Variants in FBXW11 observed in about 807,000 individuals in gnomAD.
FBXW11 encodes F-box/WD repeat-containing protein 11.
A neutral mutation model predicts 77.6 loss-of-function variants in FBXW11; 19 were observed. The observed-to-expected ratio is 0.24, with a 90% CI of 0.17 to 0.36. The LOEUF is 0.36. Ranked by LOEUF, FBXW11 falls within the 10% of genes least tolerant of loss-of-function variation. The probability of loss-of-function intolerance (pLI) is 1.00; values close to 1 mark genes in which losing one functional copy is unlikely to be tolerated. For missense variants in FBXW11, 334 were observed against 704.2 expected, an observed-to-expected ratio of 0.47 and a Z score of 5.95; for synonymous variants, 235 against 249.4, an observed-to-expected ratio of 0.94 and a Z score of 0.54.
chr5:172,002,415 TGTGTGTG>T (rs1331148813), intron 1 of FBXW11, among the ~76,000 whole-genome samples: 2 of 81,306 alleles, frequency 2.5e-5, no homozygotes, highest in African/African-American at 2.1e-4. Flanking sequence ...TTTATATAAA[TGTGTGTG>T]TGTGTGTGTG....
chr5:171,924,157 C>T (rs1358230616), intron 2 of FBXW11, among the ~76,000 whole-genome samples: 6 of 151,820 alleles, frequency 4.0e-5, no homozygotes, highest in African/African-American at 9.7e-5. Context: ...CTCCTGACCT[C>T]GTGATCCACC....
At chr5:171,967,375 G>C (rs1040136304) in intron 1 of FBXW11, among the ~76,000 whole-genome samples, 1 of 152,178 alleles carries the variant, frequency 6.6e-6, no homozygotes, top group Non-Finnish European at 1.5e-5. Context: ...ACAAACTATT[G>C]TGTTTCTGCT....
At position 171,872,811 on chromosome 5, in the gene FBXW11, A is replaced by G. The variant is rs1168384113; in HGVS notation, c.1340+61T>C. The stretch of plus-strand genomic sequence containing the variant: ...AGTTGTTTTGAGCATTAGAACTAGG[A>G]GATGAGTCAACAATGTGGCAAAAAT... On this transcript the variant is annotated intron_variant, in intron 10 of 13. Transcript: ENST00000517395. 3 of 1,160,072 alleles carry G rather than the reference A, an allele frequency of 2.6e-6. No homozygotes were observed. In the East Asian group the frequency reaches 7.0e-5, roughly 27 times the overall value. The allele number at this position is 1,160,072 out of a possible 1,614,324, so 71.9% of individuals were successfully genotyped here.
In FBXW11 at chr5:171,985,288, AACCACATCCACCACC is replaced by A. The variant is rs547628828; in HGVS notation, c.45+21155_45+21169del. On this transcript the variant is annotated intron_variant, in intron 1 of 13. Coordinates refer to ENST00000517395, the MANE Select transcript of FBXW11 (RefSeq NM_001378974.1). ...AATGTTCACAGTCACCTCCCTTCTC[AACCACATCCACCACC>A]CTCATACCTCCTCCAATCTAGGCAG... Among the ~76,000 whole-genome samples, 9 of 152,188 alleles carry A rather than the reference AACCACATCCACCACC, an allele frequency of 5.9e-5. No homozygotes were observed. The East Asian group carries it at 1.7e-3, about 29-fold the overall frequency.
At chr5:172,005,215 G>T (rs1031763314) in intron 1 of FBXW11, among the ~76,000 whole-genome samples, 6 of 152,140 alleles carry the variant, frequency 3.9e-5, no homozygotes, top group African/African-American at 1.4e-4. Context: ...AAGAAAATCT[G>T]GCTAGGAAAA....
chr5:171,878,479 C>G (rs556605772), intron 7 of FBXW11, among the ~76,000 whole-genome samples: 1 of 151,336 alleles, frequency 6.6e-6, no homozygotes, highest in Non-Finnish European at 1.5e-5. Context: ...TTTGGGAGGC[C>G]GAGACAGAAG....
At chr5:171,974,702 C>G (rs868288175) in intron 1 of FBXW11, among the ~76,000 whole-genome samples, 1 of 152,110 alleles carries the variant, frequency 6.6e-6, no homozygotes, top group African/African-American at 2.4e-5. Flanking sequence ...TGCACTTCAG[C>G]CTGGGCAACA....
intron 2 of FBXW11, among the ~76,000 whole-genome samples, chr5:171,930,687 C>A (rs1762121870): frequency 6.7e-6 from 1 of 149,794 alleles, no homozygotes; most frequent in Non-Finnish European, 1.5e-5. Flanking sequence ...CCTGCCAAAT[C>A]CCCCTCTGCG....
chr5:171,898,435 C>T (rs548963409), intron 6 of FBXW11, among the ~76,000 whole-genome samples: 1 of 152,304 alleles, frequency 6.6e-6, no homozygotes, highest in Non-Finnish European at 1.5e-5. Context: ...AATTAGAACA[C>T]ATGAACGATA....
At chr5:171,972,248 C>T (rs1310194902) in intron 1 of FBXW11, among the ~76,000 whole-genome samples, 1 of 151,524 alleles carries the variant, frequency 6.6e-6, no homozygotes, top group African/African-American at 2.4e-5. Flanking sequence ...GAGGCTGAGG[C>T]AGGAGAATTG....
intron 6 of FBXW11, among the ~76,000 whole-genome samples, chr5:171,892,655 A>C (rs1251329531): frequency 1.3e-5 from 2 of 152,242 alleles, no homozygotes; most frequent in Non-Finnish European, 2.9e-5. Context: ...TTAGTGAAGA[A>C]GTAGGTCATA....
intron 3 of FBXW11, among the ~76,000 whole-genome samples, chr5:171,914,024 C>T (rs1052930591): frequency 2.6e-5 from 4 of 152,206 alleles, no homozygotes; most frequent in African/African-American, 9.7e-5. Flanking sequence ...CATGTATACA[C>T]TGGTGTGTGG....
intron 4 of FBXW11, chr5:171,908,747 G>T (rs1760692096): frequency 6.6e-6 from 1 of 152,156 alleles, no homozygotes; most frequent in Non-Finnish European, 1.5e-5. Context: ...AAGCTGGTTT[G>T]TCAATTTGCA....
intron 3 of FBXW11, among the ~76,000 whole-genome samples, chr5:171,913,782 C>G (rs1344162161): frequency 6.6e-6 from 1 of 150,386 alleles, no homozygotes; most frequent in African/African-American, 2.4e-5. Flanking sequence ...AATCGTGAAA[C>G]TTTGCTTGCT....
intron 2 of FBXW11, among the ~76,000 whole-genome samples, chr5:171,950,553 C>T (rs897422172): frequency 3.3e-5 from 5 of 152,000 alleles, no homozygotes; most frequent in Admixed American, 2.0e-4. Context: ...TAAGTGACCC[C>T]GTATTGTGAT....
intron 5 of FBXW11, among the ~76,000 whole-genome samples, chr5:171,899,447 T>C (rs1345555482): frequency 6.6e-6 from 1 of 152,186 alleles, no homozygotes; most frequent in African/African-American, 2.4e-5. Context: ...CCTCTGTCTG[T>C]AGCTCTCTCT....
chr5:171,999,272 A>G (rs1438430852), intron 1 of FBXW11, among the ~76,000 whole-genome samples: 1 of 152,176 alleles, frequency 6.6e-6, no homozygotes, highest in Non-Finnish European at 1.5e-5. Context: ...TCCAAAATGC[A>G]AAACAAGTTA....
At chr5:171,886,212 T>C (rs879342512) in intron 7 of FBXW11, among the ~76,000 whole-genome samples, 5 of 152,180 alleles carry the variant, frequency 3.3e-5, no homozygotes, top group Admixed American at 6.5e-5. Context: ...AATGATAGAC[T>C]GGATTAAGAA....
At chr5:171,962,954 T>C (rs940749039) in intron 1 of FBXW11, among the ~76,000 whole-genome samples, 4 of 152,312 alleles carry the variant, frequency 2.6e-5, no homozygotes, top group Non-Finnish European at 4.4e-5. Flanking sequence ...AGGTTTTCTA[T>C]AACTCCCCCC....
Sources: gnomAD v4.1 joint callset for allele counts (sites outside exome capture counted in the v4.1 genomes callset) on GRCh38, gnomAD v4.1.1 for gene constraint, MANE v1.5 for transcripts, NCBI Gene and HGNC (gene_info 2026-07-23, HGNC 2026-07-21) for gene names.